The following CCDC93 variants were observed in gnomAD, a reference collection of about 807,000 sequenced individuals.
The protein encoded by CCDC93 is CCC complex scaffolding subunit CCDC93, also known as coiled-coil domain-containing protein 93.
In CCDC93, 61 loss-of-function variants were observed where a neutral mutation model predicts 108.2. The ratio of observed to expected loss-of-function variants is 0.56; its 90% CI spans 0.46 to 0.70. The LOEUF (loss-of-function observed/expected upper bound fraction) is 0.70. CCDC93 is among the 30% of genes least tolerant of loss of function. CCDC93 has a pLI of 0.00. For missense variants in CCDC93, 685 were observed against 764.2 expected, an observed-to-expected ratio of 0.90 and a Z score of 1.22; for synonymous variants, 276 against 260.4, an observed-to-expected ratio of 1.06 and a Z score of -0.58.
chr2:117,950,436 T>C, intron 13 of CCDC93: 1 of 985,420 alleles, frequency 1.0e-6, no homozygotes, highest in Admixed American at 6.1e-5. Flanking sequence ...TCTCCTGGCC[T>C]TTCTGAAGCA....
intron 14 of CCDC93, 138 bp downstream of exon 14, chr2:117,949,184 A>C (rs1678971613): frequency 1.6e-6 from 1 of 633,164 alleles, no homozygotes; most frequent in Non-Finnish European, 2.8e-6. Context: ...CTGGATGAAC[A>C]GTAAAATGAT....
At chr2:117,956,307 T>TA (rs1297499752) in intron 12 of CCDC93, among the ~76,000 whole-genome samples, 4 of 152,160 alleles carry the variant, frequency 2.6e-5, no homozygotes, top group African/African-American at 9.7e-5. Context: ...AGACTCTGGG[T>TA]AAAAGTGTTC....
chr2:118,008,692 G>T (rs1261726341), intron 1 of CCDC93, 34 bp from the exon 2 acceptor site: 4 of 1,405,234 alleles, frequency 2.8e-6, no homozygotes, highest in Non-Finnish European at 4.0e-6. Flanking sequence ...GCTGGTAAAA[G>T]ATATGCTGAA....
intron 17 of CCDC93, 102 bp from the exon 18 acceptor site, chr2:117,944,188 C>T (rs3732320): frequency 0.17 from 128,475 of 773,926 alleles, 11,336 homozygotes; most frequent in East Asian, 0.22. Context: ...CTCCCCCATC[C>T]TAAGGCCTTA....
intron 13 of CCDC93, among the ~76,000 whole-genome samples, chr2:117,951,881 TCTC>T (rs1679066221): frequency 6.6e-6 from 1 of 152,014 alleles, no homozygotes; most frequent in South Asian, 2.1e-4. Context: ...CAGCCCTCCT[TCTC>T]CTCCTGCAGC....
At chr2:117,940,261 G>A (rs1412120114) in intron 19 of CCDC93, among the ~76,000 whole-genome samples, 3 of 152,178 alleles carry the variant, frequency 2.0e-5, no homozygotes, top group Non-Finnish European at 2.9e-5. Flanking sequence ...GTAGGAGCCT[G>A]GAGAAGAGGT....
intron 4 of CCDC93, chr2:117,997,597 C>G (rs779066386): frequency 2.0e-5 from 3 of 152,206 alleles, no homozygotes; most frequent in Non-Finnish European, 2.9e-5. Flanking sequence ...AATAGCTGCT[C>G]AGAATAGAGC....
chr2:118,013,988 A>C lies in CCDC93; in HGVS notation c.8T>G (p.Leu3Trp), dbSNP rs767427061. 1.3e-6 allele frequency: 2 copies of C among 1,595,726 alleles called. No homozygotes were observed. Among genetic ancestry groups the C allele is most frequent in the South Asian group, 2.3e-5 (2 of 87,470 alleles). Residue 3 changes from leucine to tryptophan, a missense_variant, in exon 1 of 24, where the codon TTG becomes TGG. Transcript: ENST00000376300. ...ACCCTGGCCCTCCGGCCCCCTGGGC[A>C]ACCCCATGATCCGACCGGGCTGTCG... Reference protein sequence around the residue: MGLPRGPEGQGLP... With the variant: MGWPRGPEGQGLP...
intron 20 of CCDC93, among the ~76,000 whole-genome samples, chr2:117,937,977 T>A (rs1558772534): frequency 6.6e-6 from 1 of 152,210 alleles, no homozygotes; most frequent in Admixed American, 6.5e-5. Flanking sequence ...CAATTTGGGT[T>A]CAGGTAAAAG....
chr2:117,950,551 G>A (rs774781066), intron 13 of CCDC93: 2 of 985,364 alleles, frequency 2.0e-6, no homozygotes, highest in Non-Finnish European at 2.4e-6. Flanking sequence ...AGTCCTCTCT[G>A]CTTTTCAGTG....
rs755769327 is a variant in CCDC93 at position 117,974,832 on chromosome 2, T to G, written c.801+18A>C. 1.5e-5 allele frequency: 23 copies of G among 1,562,540 alleles called. No individual in the cohort carries two copies. ...GGTGCCAAGTCCCCATCCCCACACC[T>G]CCCCGACTCCCACTCACCTCCTCAT... On this transcript the variant is annotated intron_variant, in intron 10 of 23. Transcript: ENST00000376300.
chr2:117,947,693 CTTT>C (rs763811529), intron 15 of CCDC93, among the ~76,000 whole-genome samples: 2 of 121,964 alleles, frequency 1.6e-5, no homozygotes, highest in African/African-American at 3.0e-5. Flanking sequence ...GATGAATCTG[CTTT>C]TTTTTTTTTT....
intron 13 of CCDC93, chr2:117,950,982 A>C: frequency 1.0e-6 from 1 of 985,424 alleles, no homozygotes; most frequent in South Asian, 4.7e-5. Context: ...GGATAGTCTT[A>C]TTACTGACTT....
chr2:118,013,008 C>T (rs1450789658), intron 1 of CCDC93: 1 of 152,224 alleles, frequency 6.6e-6, no homozygotes, highest in Admixed American at 6.5e-5. Context: ...GCTCCAGAAC[C>T]TTAGGAAAAA....
intron 23 of CCDC93, among the ~76,000 whole-genome samples, chr2:117,927,840 T>C (rs951876902): frequency 2.0e-4 from 31 of 152,202 alleles, no homozygotes; most frequent in African/African-American, 6.0e-4. Flanking sequence ...GGAGGCATCA[T>C]GCTACCTGAC....
At chr2:117,945,486 G>C (rs1479412311) in intron 17 of CCDC93, 43 bp downstream of exon 17, 1 of 1,558,348 alleles carries the variant, frequency 6.4e-7, no homozygotes, top group Non-Finnish European at 8.9e-7. Context: ...CTGGCCGCCT[G>C]CCCTCAGGAG....
intron 22 of CCDC93, chr2:117,934,537 G>GTGA (rs1438263658): frequency 6.5e-6 from 1 of 153,732 alleles, no homozygotes; most frequent in African/African-American, 2.4e-5. Context: ...TTTTATTGAA[G>GTGA]TCATTCACAG....
chr2:117,958,526 A>G (rs1679289476), intron 11 of CCDC93, 45 bp from the exon 12 acceptor site: 1 of 1,142,206 alleles, frequency 8.8e-7, no homozygotes, highest in Non-Finnish European at 1.3e-6. Flanking sequence ...TAGTTAGTTG[A>G]CCTTGGTTCA....
intron 11 of CCDC93, among the ~76,000 whole-genome samples, chr2:117,971,510 C>A (rs1189140231): frequency 6.6e-6 from 1 of 152,156 alleles, no homozygotes; most frequent in Non-Finnish European, 1.5e-5. Flanking sequence ...ATAAAGCTAT[C>A]AACAGCTGAA....
Sources: allele counts gnomAD v4.1 joint callset (sites outside exome capture counted in the v4.1 genomes callset), GRCh38; gene constraint gnomAD v4.1.1; transcripts MANE v1.5; gene names NCBI Gene and HGNC (gene_info 2026-07-23, HGNC 2026-07-21).